ANXA10: variants seen among roughly 807,000 people sequenced by gnomAD.
The protein encoded by ANXA10 is annexin A10, also known as annexin 14.
Under a neutral mutation model 53.5 loss-of-function variants are expected in ANXA10, and 49 were observed. The ratio of observed to expected loss-of-function variants is 0.92; its 90% CI spans 0.73 to 1.16. The LOEUF (loss-of-function observed/expected upper bound fraction) is 1.16, where lower values mean the gene tolerates loss of function less well. ANXA10 is among the 50% of genes most tolerant of loss of function. The probability of loss-of-function intolerance (pLI) is 0.00; values close to 1 mark genes in which losing one functional copy is unlikely to be tolerated. For synonymous variants in ANXA10, 131 were observed against 128.9 expected (o/e 1.02, Z -0.11); for missense variants, 393 against 394.4 (o/e 1.00, Z 0.03).
intron 6 of ANXA10, among the ~76,000 whole-genome samples, chr4:168,170,629 C>T (rs988387400): frequency 3.3e-5 from 5 of 152,014 alleles, no homozygotes; most frequent in East Asian, 1.9e-4. Context: ...GAGTATTTAA[C>T]CTTGGAACAG....
At chr4:168,174,757 C>T (rs936026976) in intron 6 of ANXA10, among the ~76,000 whole-genome samples, 3 of 152,194 alleles carry the variant, frequency 2.0e-5, no homozygotes, top group African/African-American at 7.2e-5. Context: ...CTCTCAGTTT[C>T]TTAGTCTGAG....
At chr4:168,102,072 G>A (rs1315270522) in intron 1 of ANXA10, among the ~76,000 whole-genome samples, 1 of 152,090 alleles carries the variant, frequency 6.6e-6, no homozygotes, top group African/African-American at 2.4e-5. Flanking sequence ...TTACCAAGAG[G>A]AGTACATTGT....
At position 168,181,755 on chromosome 4, in the gene ANXA10, A is replaced by G. The variant is rs367829370; in HGVS notation, c.783+14A>G. On this transcript the variant is annotated intron_variant, in intron 10 of 11. Coordinates refer to ENST00000359299, the MANE Select transcript of ANXA10 (RefSeq NM_007193.5). Reference sequence around the variant, plus strand: ...AGTGCAATTCATGTAAGTAAGACATATATTTTTAAAATTTCTCCAGAAATT... The same window carrying G: ...AGTGCAATTCATGTAAGTAAGACATGTATTTTTAAAATTTCTCCAGAAATT... 37 of 1,527,736 alleles carry G rather than the reference A, an allele frequency of 2.4e-5. No individual in the cohort carries two copies. Among genetic ancestry groups the G allele is most frequent in the Non-Finnish European group, 2.9e-5 (32 of 1,113,244 alleles). The allele number at this position is 1,527,736 out of a possible 1,614,324, so 94.6% of individuals were successfully genotyped here.
chr4:168,150,948 C>T (rs1717695082), intron 3 of ANXA10, among the ~76,000 whole-genome samples: 1 of 152,074 alleles, frequency 6.6e-6, no homozygotes, highest in South Asian at 2.1e-4. Context: ...CTGGTTAACT[C>T]TTAGGAAAGA....
chr4:168,147,589 A>T (rs1185711343), intron 3 of ANXA10, among the ~76,000 whole-genome samples: 1 of 152,228 alleles, frequency 6.6e-6, no homozygotes, highest in Non-Finnish European at 1.5e-5. Context: ...AATAAACATG[A>T]ATACCAAGTA....
intron 6 of ANXA10, among the ~76,000 whole-genome samples, chr4:168,173,405 G>A (rs1732055439): frequency 6.6e-6 from 1 of 152,204 alleles, no homozygotes; most frequent in Non-Finnish European, 1.5e-5. Context: ...GAGTGAAATG[G>A]ATGAGAGGTA....
At chr4:168,147,341 G>A (rs1294741805) in intron 3 of ANXA10, among the ~76,000 whole-genome samples, 1 of 152,156 alleles carries the variant, frequency 6.6e-6, no homozygotes, top group Non-Finnish European at 1.5e-5. Context: ...GCTTTTCAAA[G>A]GGGATATACC....
chr4:168,110,816 C>T (rs563823487), intron 1 of ANXA10, among the ~76,000 whole-genome samples: 23 of 152,176 alleles, frequency 1.5e-4, no homozygotes, highest in African/African-American at 5.3e-4. Flanking sequence ...CAACCAGAGC[C>T]ATGCATTATT....
At chr4:168,097,472 T>A (rs1730570375) in intron 1 of ANXA10, among the ~76,000 whole-genome samples, 2 of 152,076 alleles carry the variant, frequency 1.3e-5, no homozygotes, top group Non-Finnish European at 2.9e-5. Context: ...ACATTCTATA[T>A]ACAGACTCTT....
chr4:168,156,037 T>TA (rs1463475511), intron 3 of ANXA10, among the ~76,000 whole-genome samples: 3 of 34,820 alleles, frequency 8.6e-5, no homozygotes, highest in African/African-American at 4.2e-4. Flanking sequence ...ATATATAGTA[T>TA]TATATTATAT....
At chr4:168,141,041 C>T (rs1380352354) in intron 3 of ANXA10, among the ~76,000 whole-genome samples, 1 of 152,140 alleles carries the variant, frequency 6.6e-6, no homozygotes, top group South Asian at 2.1e-4. Context: ...CAAAACTATG[C>T]TAAAGCAGAT....
At chr4:168,152,820 A>G (rs1731520211) in intron 3 of ANXA10, among the ~76,000 whole-genome samples, 1 of 148,714 alleles carries the variant, frequency 6.7e-6, no homozygotes, top group African/African-American at 2.4e-5. Context: ...TATATAAATA[A>G]TATCTATATT....
Position 168,181,991 on chromosome 4 carries a change from ATTAT to A in ANXA10, c.783+254_783+257del, listed in dbSNP as rs1455680679. 2.0e-5 allele frequency among the ~76,000 whole-genome samples: 3 copies of A among 152,166 alleles called. No homozygotes were observed. In the East Asian group the frequency reaches 5.8e-4, roughly 29 times the overall value. On this transcript the variant is annotated intron_variant, in intron 10 of 11. Transcript: ENST00000359299. ...GTGTATCTCCCTGTGCACTTTAGAG[ATTAT>A]TTAATATCTGCAGAAACTGGTAAAT...
chr4:168,150,601 A>C (rs1363637908), intron 3 of ANXA10, among the ~76,000 whole-genome samples: 1 of 152,240 alleles, frequency 6.6e-6, no homozygotes, highest in African/African-American at 2.4e-5. Context: ...GGCTGAATAT[A>C]CATATTCAAT....
intron 6 of ANXA10, among the ~76,000 whole-genome samples, chr4:168,166,356 A>C (rs1298854669): frequency 6.6e-6 from 1 of 152,250 alleles, no homozygotes; most frequent in African/African-American, 2.4e-5. Flanking sequence ...GTACTGGCTA[A>C]ATGATATATA....
intron 1 of ANXA10, among the ~76,000 whole-genome samples, chr4:168,104,444 GA>G (rs531876777): frequency 1.2e-4 from 18 of 151,782 alleles, no homozygotes; most frequent in Non-Finnish European, 2.7e-4. Flanking sequence ...CTATTTTCTA[GA>G]AAAAAATTTG....
At chr4:168,101,084 G>A (rs548185569) in intron 1 of ANXA10, among the ~76,000 whole-genome samples, 2 of 152,050 alleles carry the variant, frequency 1.3e-5, no homozygotes, top group South Asian at 2.1e-4. Context: ...TGGATAGTGG[G>A]GGCTGTTTCT....
At chr4:168,099,605 C>T (rs1450446242) in intron 1 of ANXA10, among the ~76,000 whole-genome samples, 1 of 151,876 alleles carries the variant, frequency 6.6e-6, no homozygotes, top group Non-Finnish European at 1.5e-5. Context: ...ACTTAACGAC[C>T]AGAAGAAACT....
Position 168,162,550 on chromosome 4 carries a change from A to G in ANXA10, c.218A>G (p.Glu73Gly). Reference sequence around the variant, plus strand: ...CAGGACCTGATTGGGGATATGAGGGAGCAGCTTTCGGATCACTTCAAAGAT... The same window carrying G: ...CAGGACCTGATTGGGGATATGAGGGGGCAGCTTTCGGATCACTTCAAAGAT... ...YGRDLIGDMR[E>G]QLSDHFKDVM... is the part of the protein sequence containing the mutation. The change falls in exon 4 of 12, where the codon GAG becomes GGG. Residue 73 changes from glutamate (E) to glycine (G), a missense_variant. Glu to Gly is a moderately conservative substitution (Grantham distance 98). Coordinates refer to ENST00000359299, the MANE Select transcript of ANXA10 (RefSeq NM_007193.5). 2.5e-6 allele frequency: 4 copies of G among 1,613,890 alleles called. No homozygotes were observed. Among genetic ancestry groups the G allele is most frequent in the Non-Finnish European group, 3.4e-6 (4 of 1,179,830 alleles).
Sources: gnomAD v4.1 joint callset for allele counts (sites outside exome capture counted in the v4.1 genomes callset) on GRCh38, gnomAD v4.1.1 for gene constraint, MANE v1.5 for transcripts, NCBI Gene and HGNC (gene_info 2026-07-23, HGNC 2026-07-21) for gene names.